Variants in CSNK1A1 observed in about 807,000 individuals in gnomAD.
CSNK1A1 encodes casein kinase I isoform alpha.
CSNK1A1 carries 7 observed loss-of-function variants against 46.1 expected under a neutral mutation model. The ratio of observed to expected loss-of-function variants is 0.15; its 90% confidence interval spans 0.09 to 0.29. The LOEUF is 0.29. CSNK1A1 is among the 10% of genes least tolerant of loss of function. The probability of loss-of-function intolerance (pLI) is 1.00; values close to 1 mark genes in which losing one functional copy is unlikely to be tolerated. For synonymous variants in CSNK1A1, 137 were observed against 141.5 expected (o/e 0.97, Z 0.23); for missense variants, 96 against 417.1 (o/e 0.23, Z 6.71).
At chr5:149,530,317 C>T (rs1761854158) in intron 2 of CSNK1A1, among the ~76,000 whole-genome samples, 1 of 152,086 alleles carries the variant, frequency 6.6e-6, no homozygotes, top group Admixed American at 6.5e-5. Context: ...AAAAACACTC[C>T]CTGCACTCCA....
At chr5:149,505,639 G>C (rs1327319675) in intron 8 of CSNK1A1, 44 bp from the exon 9 acceptor site, 1 of 1,528,110 alleles carries the variant, frequency 6.5e-7, no homozygotes, top group Non-Finnish European at 9.0e-7. Context: ...TAATAACAGA[G>C]TCCAGTTATA....
chr5:149,529,778 G>T, intron 2 of CSNK1A1: 4 of 456,046 alleles, frequency 8.8e-6, no homozygotes, highest in South Asian at 6.2e-5. Context: ...ATTAAAATCA[G>T]TAATTATTAG....
At chr5:149,549,261 G>A in intron 2 of CSNK1A1, 1 of 519,504 alleles carries the variant, frequency 1.9e-6, no homozygotes, top group Non-Finnish European at 3.5e-6. Context: ...TGCTCAAACT[G>A]CCTTTGCCAC....
intron 2 of CSNK1A1, among the ~76,000 whole-genome samples, chr5:149,527,997 A>ACGAT (rs1761773789): frequency 6.6e-6 from 1 of 152,228 alleles, no homozygotes; most frequent in African/African-American, 2.4e-5. Context: ...TGAAATGTAA[A>ACGAT]AGGCACAAAT....
chr5:149,512,194 ACT>A (rs1761245827), intron 5 of CSNK1A1, among the ~76,000 whole-genome samples: 2 of 152,056 alleles, frequency 1.3e-5, no homozygotes, highest in South Asian at 4.1e-4. Context: ...TTTTGCAGAA[ACT>A]CATTAAAAAA....
intron 2 of CSNK1A1, among the ~76,000 whole-genome samples, chr5:149,543,558 G>A (rs1561773548): frequency 6.6e-6 from 1 of 151,884 alleles, no homozygotes; most frequent in Non-Finnish European, 1.5e-5. Context: ...CCAATGCAGC[G>A]TCATCTTTAT....
At chr5:149,498,218 T>C (rs1404305293) in intron 9 of CSNK1A1, 1 of 985,188 alleles carries the variant, frequency 1.0e-6, no homozygotes, top group Non-Finnish European at 1.2e-6. Flanking sequence ...TTCTTATGCA[T>C]ATATGCCCCT....
chr5:149,524,827 G>T (rs1425945599), intron 3 of CSNK1A1, among the ~76,000 whole-genome samples: 1 of 152,150 alleles, frequency 6.6e-6, no homozygotes, highest in Non-Finnish European at 1.5e-5. Context: ...GGAGCAGATT[G>T]AAAACTACTA....
At position 149,517,851 on chromosome 5, in the gene CSNK1A1, C is replaced by T. The variant is rs1333035200; in HGVS notation, c.456+2439G>A. ...AAGTACTAACAGTCATGCTTCTTTT[C>T]CTCTTCCCCACTGGAGATTCTAAAC... On this transcript the variant is annotated intron_variant, in intron 4 of 9. Coordinates refer to ENST00000377843, the MANE Select transcript of CSNK1A1 (RefSeq NM_001892.6). The surrounding 1 kb of genome is among the most constrained non-coding windows in gnomAD (Gnocchi z 4.4). 1 of 1,604,294 alleles carries T rather than the reference C, an allele frequency of 6.2e-7. No individual in the cohort carries two copies. The highest frequency in any genetic ancestry group is 1.7e-5 in the Admixed American group (1 of 58,740).
intron 9 of CSNK1A1, chr5:149,503,442 A>AAC (rs1417552337): frequency 7.1e-6 from 7 of 985,352 alleles, no homozygotes; most frequent in Non-Finnish European, 8.4e-6. Context: ...ATACAGATGT[A>AAC]CTGCCTTGGA....
At chr5:149,511,663 A>G in intron 6 of CSNK1A1, 131 bp downstream of exon 6, 1 of 655,466 alleles carries the variant, frequency 1.5e-6, no homozygotes, top group Non-Finnish European at 2.6e-6. Context: ...GGTAAAAAGT[A>G]AATTAAGGTT....
At chr5:149,539,628 T>A (rs1762170778) in intron 2 of CSNK1A1, among the ~76,000 whole-genome samples, 1 of 152,108 alleles carries the variant, frequency 6.6e-6, no homozygotes, top group Non-Finnish European at 1.5e-5. Flanking sequence ...TTGTTACATA[T>A]CAGAATCACC....
chr5:149,535,606 C>T (rs1028180491), intron 2 of CSNK1A1, among the ~76,000 whole-genome samples: 15 of 152,118 alleles, frequency 9.9e-5, no homozygotes, highest in African/African-American at 3.4e-4. Flanking sequence ...TCTCCTAATA[C>T]ACTATTAAGA....
intron 2 of CSNK1A1, among the ~76,000 whole-genome samples, chr5:149,535,331 T>A (rs2113157182): frequency 6.6e-6 from 1 of 152,320 alleles, no homozygotes; most frequent in East Asian, 1.9e-4. Context: ...TTCCCTGGCC[T>A]AGGCTCAGTT....
chr5:149,497,187 T>C, intron 9 of CSNK1A1: 1 of 1,054,472 alleles, frequency 9.5e-7, no homozygotes, highest in Non-Finnish European at 1.1e-6. Context: ...CATTCACATA[T>C]TTATCAAATC....
intron 9 of CSNK1A1, among the ~76,000 whole-genome samples, chr5:149,500,677 T>G (rs566617531): frequency 6.6e-6 from 1 of 151,856 alleles, no homozygotes; most frequent in Non-Finnish European, 1.5e-5. Context: ...GATCTTCCCA[T>G]CTAGCCTCAA....
intron 7 of CSNK1A1, among the ~76,000 whole-genome samples, 189 bp from the exon 8 acceptor site, chr5:149,507,322 CTA>C (rs1453653177): frequency 6.6e-6 from 1 of 152,138 alleles, no homozygotes; most frequent in Admixed American, 6.5e-5. Flanking sequence ...CCTACCTACC[CTA>C]TTATGTACAA....
intron 2 of CSNK1A1, among the ~76,000 whole-genome samples, chr5:149,537,885 T>A (rs1398752726): frequency 4.6e-5 from 7 of 151,414 alleles, no homozygotes; most frequent in South Asian, 2.1e-4. Context: ...CTCACATAGT[T>A]TGAGATTTAG....
intron 2 of CSNK1A1, among the ~76,000 whole-genome samples, chr5:149,544,737 T>TTATATATA (rs375444306): frequency 0.025 from 2,048 of 80,706 alleles, 106 homozygotes; most frequent in East Asian, 0.15. Flanking sequence ...GTAAAGAGCT[T>TTATATATA]TATATATATA....
Sources: gnomAD v4.1 joint callset for allele counts (sites outside exome capture counted in the v4.1 genomes callset) on GRCh38, gnomAD v4.1.1 for gene constraint, Gnocchi (gnomAD v3.1) non-coding constraint, MANE v1.5 for transcripts, NCBI Gene and HGNC (gene_info 2026-07-23, HGNC 2026-07-21) for gene names.